CEP41: variants seen among roughly 807,000 people sequenced by gnomAD.
The protein encoded by CEP41 is centrosomal protein 41.
Under a neutral mutation model 44.3 loss-of-function variants are expected in CEP41, and 32 were observed. The observed-to-expected ratio is 0.72, with a 90% confidence interval of 0.54 to 0.97. The LOEUF (loss-of-function observed/expected upper bound fraction) is 0.97. Among genes scored for constraint, CEP41 ranks in the 50% least tolerant of loss-of-function variants. The probability of loss-of-function intolerance (pLI) is 0.00; values close to 1 mark genes in which losing one functional copy is unlikely to be tolerated. For synonymous variants in CEP41, 151 were observed against 168.5 expected (o/e 0.90, Z 0.80); for missense variants, 432 against 455.2 (o/e 0.95, Z 0.46).
At chr7:130,405,449 A>G (rs1796981901) in intron 5 of CEP41, among the ~76,000 whole-genome samples, 2 of 152,326 alleles carry the variant, frequency 1.3e-5, no homozygotes, top group East Asian at 1.9e-4. Flanking sequence ...ATTGTTGCCA[A>G]TGATTATATT....
At chr7:130,440,564 G>T in intron 1 of CEP41, 1 of 450,330 alleles carries the variant, frequency 2.2e-6, no homozygotes, top group Non-Finnish European at 4.1e-6. Flanking sequence ...CACAATCAGA[G>T]ATGCTGGCTG....
chr7:130,439,266 T>C (rs541266943), intron 1 of CEP41, among the ~76,000 whole-genome samples: 1 of 152,202 alleles, frequency 6.6e-6, no homozygotes, highest in Non-Finnish European at 1.5e-5. Context: ...CAGTACATAA[T>C]ACATATGAGA....
At chr7:130,421,779 C>A in intron 2 of CEP41, 2 of 1,245,880 alleles carry the variant, frequency 1.6e-6, no homozygotes, top group South Asian at 3.6e-5. Flanking sequence ...GACAATGCAG[C>A]CAATGAAAGA....
chr7:130,407,507 T>C (rs1034805314), intron 5 of CEP41, among the ~76,000 whole-genome samples: 1 of 151,958 alleles, frequency 6.6e-6, no homozygotes, highest in African/African-American at 2.4e-5. Context: ...AGTACAGCAC[T>C]ACAACCAGAA....
intron 1 of CEP41, among the ~76,000 whole-genome samples, chr7:130,433,401 G>C (rs1344057547): frequency 6.6e-6 from 1 of 152,026 alleles, no homozygotes; most frequent in South Asian, 2.1e-4. Context: ...GTTGAAAATG[G>C]TATGGAGAGA....
chr7:130,407,401 T>C (rs1190896582), intron 5 of CEP41, among the ~76,000 whole-genome samples: 1 of 151,816 alleles, frequency 6.6e-6, no homozygotes, highest in Non-Finnish European at 1.5e-5. Flanking sequence ...TATGAGGAAA[T>C]AGGAAAATAT....
chr7:130,412,079 G>A (rs1797198519), intron 4 of CEP41, 100 bp downstream of exon 4: 10 of 782,770 alleles, frequency 1.3e-5, no homozygotes, highest in Non-Finnish European at 2.1e-5. Flanking sequence ...AGAATCAGAA[G>A]AAACTCCTCT....
chr7:130,431,463 C>A (rs1177209222), intron 1 of CEP41, among the ~76,000 whole-genome samples: 1 of 152,130 alleles, frequency 6.6e-6, no homozygotes, highest in Non-Finnish European at 1.5e-5. Flanking sequence ...TCACTGACTG[C>A]TGGGAAGACA....
chr7:130,441,371 C>G (rs1798164513), upstream of CEP41: 1 of 374,730 alleles, frequency 2.7e-6, no homozygotes. Context: ...ACACAAGACT[C>G]CCCATCCCCC....
At chr7:130,421,724 G>A (rs1797515376) in intron 2 of CEP41, 1 of 1,177,828 alleles carries the variant, frequency 8.5e-7, no homozygotes, top group South Asian at 4.2e-5. Context: ...ATTTCAGAAA[G>A]CTAAAGAAAT....
rs1796739244 is a variant in CEP41, at chr7:130,398,506, A to C, written c.*385T>G. 3 of 457,306 alleles carry C rather than the reference A, an allele frequency of 6.6e-6. No homozygotes were observed. The highest frequency in any genetic ancestry group is 4.7e-5 in the South Asian group (3 of 64,516). 28.3% of individuals were successfully genotyped at this position (457,306 alleles called of 1,614,324 possible). The stretch of plus-strand genomic sequence containing the variant: ...ATGAAAAGGTGGCAGGGACAGGCAC[A>C]CGGGCAGATGTGACTGAAGTATTTA... On this transcript the variant is annotated 3_prime_UTR_variant, in exon 11 of 11. Coordinates refer to ENST00000223208, the MANE Select transcript of CEP41 (RefSeq NM_018718.3).
Position 130,402,856 on chromosome 7 carries a change from C to CGAACGT in CEP41, c.423-63_423-58dup, listed in dbSNP as rs879999945. 3.1e-5 allele frequency: 49 copies of CGAACGT among 1,562,512 alleles called. No homozygotes were observed. In the South Asian group the frequency reaches 4.2e-4, roughly 13 times the overall value. On this transcript the variant is annotated intron_variant, in intron 6 of 10. Coordinates refer to ENST00000223208, the MANE Select transcript of CEP41 (RefSeq NM_018718.3). ...AGTCAGAGGTTGGTGGCTTAAAGGTCGAACGTGTCTCTTCAGAATAGTGAG... is the reference window on the plus strand; with the variant it reads ...AGTCAGAGGTTGGTGGCTTAAAGGTCGAACGTGAACGTGTCTCTTCAGAATAGTGAG...
At chr7:130,441,235 C>G (rs1331206791), upstream of CEP41, 3 of 390,754 alleles carry the variant, frequency 7.7e-6, no homozygotes, top group African/African-American at 4.7e-5. Context: ...CGGCTCCAGC[C>G]TTAGGGCGGG....
At position 130,404,577 on chromosome 7, in the gene CEP41, A is replaced by G. The variant is rs782079407; in HGVS notation, c.409T>C (p.Ser137Pro). ...NNAGAGDSSR[S>P]TLQSVISGVG... ...AGCTTCGAGTACCTCTGAAGAGTTG[A>G]GCGGCTGGAGTCCCCTGCTCCTGCG... Residue 137 changes from serine (S) to proline (P), a missense_variant, in exon 6 of 11, where the codon TCA (serine) becomes CCA (proline). Coordinates refer to ENST00000223208, the MANE Select transcript of CEP41 (RefSeq NM_018718.3). The G allele has an allele frequency of 2.5e-6, 4 of 1,613,914 alleles. No homozygotes were observed. Among genetic ancestry groups the G allele is most frequent in the East Asian group, 4.5e-5 (2 of 44,874 alleles).
intron 8 of CEP41, among the ~76,000 whole-genome samples, chr7:130,401,395 C>A (rs1431832952): frequency 5.9e-5 from 9 of 151,464 alleles, no homozygotes; most frequent in Non-Finnish European, 1.3e-4. Context: ...TAAAAAAAAA[C>A]AAACACACAG....
intron 1 of CEP41, among the ~76,000 whole-genome samples, chr7:130,429,452 G>A (rs1182874389): frequency 6.6e-6 from 1 of 152,230 alleles, no homozygotes; most frequent in Non-Finnish European, 1.5e-5. Context: ...AGAAGCTAAT[G>A]AACAAAGACA....
At chr7:130,439,358 C>A (rs1417123592) in intron 1 of CEP41, among the ~76,000 whole-genome samples, 3 of 144,964 alleles carry the variant, frequency 2.1e-5, no homozygotes, top group Non-Finnish European at 3.0e-5. Context: ...AGTTTTTTTG[C>A]AGGGGGGAGG....
intron 4 of CEP41, 134 bp from the exon 5 acceptor site, chr7:130,411,325 T>C: frequency 1.4e-6 from 1 of 735,902 alleles, no homozygotes. Flanking sequence ...TGTCCTCAAC[T>C]GAACGCTGAA....
chr7:130,401,720 CA>C, intron 8 of CEP41, among the ~76,000 whole-genome samples, 160 bp downstream of exon 8: 1 of 152,186 alleles, frequency 6.6e-6, no homozygotes, highest in African/African-American at 2.4e-5. Flanking sequence ...CCTAAAGAGT[CA>C]GGATTCTTGG....
Sources: gnomAD v4.1 joint callset for allele counts (sites outside exome capture counted in the v4.1 genomes callset) on GRCh38, gnomAD v4.1.1 for gene constraint, MANE v1.5 for transcripts, NCBI Gene and HGNC (gene_info 2026-07-23, HGNC 2026-07-21) for gene names.